The following DNAJC3 variants were observed in gnomAD, a reference collection of about 807,000 sequenced individuals.
The protein encoded by DNAJC3 is dnaJ homolog subfamily C member 3.
Under a neutral mutation model 68.6 loss-of-function variants are expected in DNAJC3, and 38 were observed. That is an observed-to-expected ratio of 0.55 (90% CI 0.43 to 0.73). The LOEUF is 0.73. DNAJC3 is among the 30% of genes least tolerant of loss of function. The pLI is 0.00. For synonymous variants in DNAJC3, 203 were observed against 204.0 expected (o/e 1.00, Z 0.04); for missense variants, 526 against 591.9 (o/e 0.89, Z 1.16).
At chr13:95,723,501 G>A (rs745929425) in intron 3 of DNAJC3, 135 bp downstream of exon 3, 214 of 939,936 alleles carry the variant, frequency 2.3e-4, no homozygotes, top group Admixed American at 3.0e-4. Context: ...GTGGACTGAG[G>A]AACAAGAGAA....
chr13:95,763,497 G>C, intron 7 of DNAJC3, 146 bp from the exon 8 acceptor site: 3 of 664,488 alleles, frequency 4.5e-6, no homozygotes, highest in Non-Finnish European at 7.5e-6. Context: ...TGGGACTCTA[G>C]ATTAATAAGG....
intron 4 of DNAJC3, among the ~76,000 whole-genome samples, chr13:95,746,040 T>C (rs1257386258): frequency 5.9e-5 from 9 of 152,178 alleles, no homozygotes; most frequent in Admixed American, 5.9e-4. Context: ...AGCAGTTTAG[T>C]AACTTGCTCA....
At chr13:95,713,757 A>G (rs1365865645) in intron 2 of DNAJC3, among the ~76,000 whole-genome samples, 3 of 152,370 alleles carry the variant, frequency 2.0e-5, no homozygotes, top group Middle Eastern at 3.4e-3. Flanking sequence ...TGCCTTGACC[A>G]TGTCTGTAGA....
intron 1 of DNAJC3, among the ~76,000 whole-genome samples, chr13:95,705,387 G>T (rs1462575013): frequency 6.6e-6 from 1 of 151,996 alleles, no homozygotes; most frequent in Non-Finnish European, 1.5e-5. Flanking sequence ...CCCATCATCC[G>T]CACTGAATTC....
intron 2 of DNAJC3, among the ~76,000 whole-genome samples, chr13:95,713,567 G>T (rs903545090): frequency 1.3e-5 from 2 of 152,158 alleles, no homozygotes; most frequent in Non-Finnish European, 2.9e-5. Context: ...CCCCAAATTG[G>T]TCTACAGATT....
At chr13:95,735,254 T>C (rs1881868660) in intron 4 of DNAJC3, among the ~76,000 whole-genome samples, 2 of 120,546 alleles carry the variant, frequency 1.7e-5, no homozygotes, top group African/African-American at 6.6e-5. Context: ...AAGTCTTTGC[T>C]ATTGTGAATA....
Position 95,757,779 on chromosome 13 carries a change from C to T in DNAJC3, c.529C>T (p.Leu177Phe). The change falls in exon 5 of 12, where the codon CTT becomes TTT. Residue 177 changes from leucine (L) to phenylalanine (F), a missense_variant. By Grantham distance (22) the Leu-to-Phe change is conservative. Transcript: ENST00000602402. Reference protein sequence around the residue: ...SGDYTAAIAFLDKILEVCVWD... With the variant: ...SGDYTAAIAFFDKILEVCVWD... Reference sequence around the variant, plus strand: ...AGATTATACTGCTGCTATAGCCTTCCTTGATAAGATTTTAGAGGTAAGTTT... The same window carrying T: ...AGATTATACTGCTGCTATAGCCTTCTTTGATAAGATTTTAGAGGTAAGTTT... 6.5e-7 allele frequency: 1 copy of T among 1,542,756 alleles called. No homozygotes were observed. Among genetic ancestry groups the T allele is most frequent in the South Asian group, 1.2e-5 (1 of 83,182 alleles).
Position 95,791,093 on chromosome 13 carries a change from G to A in DNAJC3, c.*63G>A, listed in dbSNP as rs566125807. ...ATTAAAAACAAAGAAATCTTGTTCCGGGACCCTAATGAAAAAAAATTTCAA... is the reference window on the plus strand; with the variant it reads ...ATTAAAAACAAAGAAATCTTGTTCCAGGACCCTAATGAAAAAAAATTTCAA... On this transcript the variant is annotated 3_prime_UTR_variant, in exon 12 of 12. Coordinates refer to ENST00000602402, the MANE Select transcript of DNAJC3 (RefSeq NM_006260.5). The A allele has an allele frequency of 8.0e-5, 126 of 1,577,672 alleles. No homozygotes were observed. Among genetic ancestry groups the A allele is most frequent in the Middle Eastern group, 5.2e-4 (3 of 5,724 alleles).
intron 1 of DNAJC3, among the ~76,000 whole-genome samples, chr13:95,696,256 C>G (rs1321754019): frequency 6.6e-6 from 1 of 152,200 alleles, no homozygotes; most frequent in Non-Finnish European, 1.5e-5. Flanking sequence ...CCCTACCAAG[C>G]TTTGGTCTGT....
chr13:95,723,411 T>A (rs769539378), intron 3 of DNAJC3, 45 bp downstream of exon 3: 2 of 1,582,372 alleles, frequency 1.3e-6, no homozygotes, highest in Admixed American at 3.5e-5. Context: ...TAACAGAACT[T>A]GGGGAGAGAT....
chr13:95,783,190 A>G (rs1472403781), intron 9 of DNAJC3, among the ~76,000 whole-genome samples: 2 of 152,142 alleles, frequency 1.3e-5, no homozygotes, highest in African/African-American at 4.8e-5. Context: ...GTCTAGTTAT[A>G]TCTGTGGGAA....
At chr13:95,711,426 GCC>G (rs199829197) in intron 2 of DNAJC3, among the ~76,000 whole-genome samples, 2,591 of 152,074 alleles carry the variant, frequency 0.017, 79 homozygotes, top group African/African-American at 0.06. Context: ...AGACCCAGGG[GCC>G]CGGAGGTTGC....
intron 11 of DNAJC3, among the ~76,000 whole-genome samples, chr13:95,790,668 C>T (rs1237433375): frequency 1.3e-5 from 2 of 152,012 alleles, no homozygotes; most frequent in Non-Finnish European, 2.9e-5. Context: ...CCCTGAACCT[C>T]ACCCTCCTTG....
intron 4 of DNAJC3, among the ~76,000 whole-genome samples, chr13:95,729,224 C>A (rs1566487338): frequency 8.3e-6 from 1 of 120,286 alleles, no homozygotes; most frequent in African/African-American, 3.2e-5. Context: ...TTTTCCCCCG[C>A]CCTCTCCCTC....
intron 4 of DNAJC3, among the ~76,000 whole-genome samples, chr13:95,729,707 G>A (rs1436214449): frequency 6.6e-6 from 1 of 152,062 alleles, no homozygotes; most frequent in Non-Finnish European, 1.5e-5. Flanking sequence ...CATTCTAACT[G>A]GGTGAGGTGT....
At chr13:95,734,635 C>A (rs1881829728) in intron 4 of DNAJC3, among the ~76,000 whole-genome samples, 1 of 152,082 alleles carries the variant, frequency 6.6e-6, no homozygotes. Context: ...TTTCTCTTTA[C>A]CTTCTGTGAC....
intron 1 of DNAJC3, among the ~76,000 whole-genome samples, chr13:95,704,202 C>G (rs530689930): frequency 6.6e-6 from 1 of 152,278 alleles, no homozygotes; most frequent in Non-Finnish European, 1.5e-5. Flanking sequence ...GGACTAAGAT[C>G]TCCAAACCAT....
chr13:95,684,806 G>C (rs1880027690), intron 1 of DNAJC3, among the ~76,000 whole-genome samples: 1 of 152,234 alleles, frequency 6.6e-6, no homozygotes, highest in African/African-American at 2.4e-5. Flanking sequence ...ATATAGCTCA[G>C]GCCTTCAGAC....
Position 95,760,141 on chromosome 13 carries a change from G to A in DNAJC3, c.648G>A (p.Lys216=). Reference sequence around the variant, plus strand: ...TAAGTGACTTAAAAGCTGCGTCAAAGTTGAAGAATGATAATACTGAAGCGT... The same window carrying A: ...TAAGTGACTTAAAAGCTGCGTCAAAATTGAAGAATGATAATACTGAAGCGT... ...KAISDLKAAS[K]LKNDNTEAFY... Residue 216 remains lysine (K), a synonymous_variant, in exon 6 of 12, where the codon AAG becomes AAA. Transcript: ENST00000602402. The A allele has an allele frequency of 1.2e-6, 2 of 1,613,054 alleles. No individual in the cohort carries two copies. Among genetic ancestry groups the A allele is most frequent in the Non-Finnish European group, 1.7e-6 (2 of 1,179,450 alleles).
Sources: allele counts gnomAD v4.1 joint callset (sites outside exome capture counted in the v4.1 genomes callset), GRCh38; gene constraint gnomAD v4.1.1; transcripts MANE v1.5; gene names NCBI Gene and HGNC (gene_info 2026-07-23, HGNC 2026-07-21).